The following ASTN2 variants were observed in gnomAD, a reference collection of about 807,000 sequenced individuals.
ASTN2 encodes astrotactin-2.
Under a neutral mutation model 139.8 loss-of-function variants are expected in ASTN2, and 54 were observed. The observed-to-expected ratio is 0.39, with a 90% CI of 0.31 to 0.48. The LOEUF is 0.48. Ranked by LOEUF, ASTN2 falls within the 20% of genes least tolerant of loss-of-function variation. The pLI, the probability that ASTN2 is intolerant of heterozygous loss-of-function variation, is 0.95. For missense variants in ASTN2, 1,565 were observed against 1,725.1 expected, an observed-to-expected ratio of 0.91 and a Z score of 1.64; for synonymous variants, 756 against 719.5, an observed-to-expected ratio of 1.05 and a Z score of -0.81.
At chr9:117,103,353 A>G (rs1465922873) in intron 4 of ASTN2, among the ~76,000 whole-genome samples, 1 of 152,126 alleles carries the variant, frequency 6.6e-6, no homozygotes, top group Non-Finnish European at 1.5e-5. Context: ...ATAAATGAAG[A>G]TATTCAGAGA....
chr9:117,237,935 G>A (rs2133068025), intron 2 of ASTN2, among the ~76,000 whole-genome samples: 1 of 152,276 alleles, frequency 6.6e-6, no homozygotes, highest in Non-Finnish European at 1.5e-5. Flanking sequence ...GATGGCTGCT[G>A]CTCTCAGGCT....
intron 11 of ASTN2, among the ~76,000 whole-genome samples, chr9:116,844,315 C>T (rs565540354): frequency 9.2e-5 from 14 of 152,220 alleles, no homozygotes; most frequent in Admixed American, 2.0e-4. Context: ...CCAGGTGGGA[C>T]GGTTTCTGGG....
intron 2 of ASTN2, among the ~76,000 whole-genome samples, chr9:117,236,175 G>A (rs541104178): frequency 8.5e-5 from 13 of 152,134 alleles, no homozygotes; most frequent in Non-Finnish European, 1.6e-4. Context: ...AACAGAGCTC[G>A]GAAATAAACT....
At chr9:117,299,695 T>G (rs1000077393) in intron 1 of ASTN2, among the ~76,000 whole-genome samples, 6 of 152,176 alleles carry the variant, frequency 3.9e-5, no homozygotes, top group Non-Finnish European at 8.8e-5. Context: ...CAGGTCCCAC[T>G]TGGGGCTCCT....
At chr9:117,386,104 A>G (rs1268390343) in intron 1 of ASTN2, among the ~76,000 whole-genome samples, 1 of 152,062 alleles carries the variant, frequency 6.6e-6, no homozygotes, top group Non-Finnish European at 1.5e-5. Flanking sequence ...GCCTAATTAG[A>G]GAAGCTGTCA....
At chr9:117,026,159 T>C (rs1393689527) in intron 6 of ASTN2, among the ~76,000 whole-genome samples, 1 of 152,108 alleles carries the variant, frequency 6.6e-6, no homozygotes, top group Non-Finnish European at 1.5e-5. Context: ...ATCTGATCTT[T>C]GGTCTCACAT....
At chr9:116,670,415 C>G (rs993187586) in intron 16 of ASTN2, among the ~76,000 whole-genome samples, 10 of 152,108 alleles carry the variant, frequency 6.6e-5, no homozygotes, top group African/African-American at 2.4e-4. Flanking sequence ...CACAGCCTCC[C>G]CAAGTGCTGG....
intron 19 of ASTN2, among the ~76,000 whole-genome samples, chr9:116,572,990 T>C (rs1564126382): frequency 1.3e-5 from 2 of 150,302 alleles, no homozygotes; most frequent in Non-Finnish European, 2.9e-5. Context: ...TGTGGGTACA[T>C]GCGTGCACAC....
At chr9:116,781,672 A>T (rs750556127) in intron 13 of ASTN2, among the ~76,000 whole-genome samples, 39 of 152,086 alleles carry the variant, frequency 2.6e-4, no homozygotes, top group South Asian at 4.1e-4. Flanking sequence ...AGTGTTGGAC[A>T]TTTTTTTATA....
intron 10 of ASTN2, among the ~76,000 whole-genome samples, chr9:116,910,967 T>A (rs368173727): frequency 4.6e-5 from 7 of 152,178 alleles, no homozygotes; most frequent in African/African-American, 1.7e-4. Flanking sequence ...TAAAGCAGCA[T>A]CTGCCTTATC....
intron 10 of ASTN2, among the ~76,000 whole-genome samples, chr9:116,869,668 C>T (rs1407307428): frequency 6.6e-6 from 1 of 152,188 alleles, no homozygotes; most frequent in Non-Finnish European, 1.5e-5. Flanking sequence ...GCTTGGCAAA[C>T]TTTTCTGTAC....
chr9:117,146,929 C>A (rs1259178000), intron 3 of ASTN2, among the ~76,000 whole-genome samples: 1 of 152,064 alleles, frequency 6.6e-6, no homozygotes, highest in East Asian at 1.9e-4. Flanking sequence ...AAAGAAATGA[C>A]CAAGCTTTGA....
intron 1 of ASTN2, among the ~76,000 whole-genome samples, chr9:117,322,683 T>G (rs1301280392): frequency 1.3e-5 from 2 of 152,188 alleles, no homozygotes; most frequent in Non-Finnish European, 2.9e-5. Context: ...TGCACCTTGC[T>G]GCTTCCTCCT....
intron 6 of ASTN2, among the ~76,000 whole-genome samples, chr9:117,009,645 A>G (rs962976000): frequency 6.6e-6 from 1 of 152,338 alleles, no homozygotes; most frequent in Middle Eastern, 3.4e-3. Context: ...TTTATAATTA[A>G]CATGACTCAG....
intron 16 of ASTN2, among the ~76,000 whole-genome samples, chr9:116,671,461 T>C (rs1564195419): frequency 6.6e-6 from 1 of 151,436 alleles, no homozygotes; most frequent in African/African-American, 2.4e-5. Flanking sequence ...GGCCAACAGA[T>C]AATAAGAAAA....
intron 4 of ASTN2, among the ~76,000 whole-genome samples, chr9:117,098,910 C>A (rs1828903762): frequency 6.6e-6 from 1 of 151,974 alleles, no homozygotes; most frequent in South Asian, 2.1e-4. Flanking sequence ...GAGTTCGAGA[C>A]CAGCCTGGGC....
At chr9:116,775,007 A>T (rs780656785) in intron 13 of ASTN2, among the ~76,000 whole-genome samples, 3 of 152,166 alleles carry the variant, frequency 2.0e-5, no homozygotes, top group Non-Finnish European at 2.9e-5. Flanking sequence ...TCATTAGCTG[A>T]GCTCTGAAAG....
In ASTN2 at chr9:116,632,205, A is replaced by G. The variant is rs1394980056; in HGVS notation, c.3073-11762T>C. On this transcript the variant is annotated intron_variant, in intron 17 of 22. Coordinates refer to ENST00000313400, the MANE Select transcript of ASTN2 (RefSeq NM_001365068.1). ...GAGAGGGAGAGAGAGAGAAAGAAAG[A>G]AAAGAAAGAAAGAAAGAAAGAAAGA... 7.3e-3 allele frequency among the ~76,000 whole-genome samples: 332 copies of G among 45,182 alleles called. 6 individuals carry two copies. The highest frequency in any genetic ancestry group is 0.015 in the Middle Eastern group (1 of 68). The allele number at this position is 45,182 out of a possible 152,430, so 29.6% of individuals were successfully genotyped here. A position where few individuals can be genotyped will look rare whatever the true frequency, so the allele number is the denominator to read the frequency against.
At chr9:116,504,400 G>T (rs889976099) in intron 19 of ASTN2, 4 of 152,026 alleles carry the variant, frequency 2.6e-5, no homozygotes, top group Admixed American at 2.6e-4. Context: ...AGGTAAGATG[G>T]GAGAGACAGC....
Sources: gnomAD v4.1 joint callset for allele counts (sites outside exome capture counted in the v4.1 genomes callset) on GRCh38, gnomAD v4.1.1 for gene constraint, MANE v1.5 for transcripts, NCBI Gene and HGNC (gene_info 2026-07-23, HGNC 2026-07-21) for gene names.